The following STAC variants were observed in gnomAD, a reference collection of about 807,000 sequenced individuals.
STAC encodes SH3 and cysteine-rich domain-containing protein.
A neutral mutation model predicts 48.8 loss-of-function variants in STAC; 43 were observed. The observed-to-expected ratio is 0.88, with a 90% CI of 0.69 to 1.14. The LOEUF is 1.14. STAC is among the 50% of genes most tolerant of loss of function. The pLI is 0.00. For synonymous variants in STAC, 193 were observed against 179.5 expected (o/e 1.07, Z -0.60); for missense variants, 497 against 504.0 (o/e 0.99, Z 0.13).
intron 6 of STAC, among the ~76,000 whole-genome samples, chr3:36,500,098 A>C (rs979990671): frequency 1.3e-5 from 2 of 152,234 alleles, no homozygotes; most frequent in Admixed American, 1.3e-4. Flanking sequence ...AGTTATTGGC[A>C]AACCAGATAG....
chr3:36,424,150 A>C (rs1325487062), intron 1 of STAC, among the ~76,000 whole-genome samples: 1 of 152,108 alleles, frequency 6.6e-6, no homozygotes, highest in Non-Finnish European at 1.5e-5. Context: ...CACTCACTTA[A>C]TTTAACAAAC....
chr3:36,444,364 A>T (rs1481362434), intron 2 of STAC, among the ~76,000 whole-genome samples: 2 of 152,212 alleles, frequency 1.3e-5, no homozygotes, highest in Admixed American at 1.3e-4. Flanking sequence ...AAGTTCTTTA[A>T]AAATGGCCAT....
intron 8 of STAC, among the ~76,000 whole-genome samples, chr3:36,519,936 T>A (rs1428779338): frequency 6.6e-6 from 1 of 152,226 alleles, no homozygotes; most frequent in Non-Finnish European, 1.5e-5. Context: ...CAGGCAAAGT[T>A]CACTTGCATT....
chr3:36,402,605 G>A (rs1700019556), intron 1 of STAC, among the ~76,000 whole-genome samples: 1 of 152,080 alleles, frequency 6.6e-6, no homozygotes, highest in African/African-American at 2.4e-5. Flanking sequence ...TAAGGGCTAG[G>A]CAAGGGAACA....
intron 8 of STAC, among the ~76,000 whole-genome samples, chr3:36,518,205 T>C (rs1051890959): frequency 6.6e-6 from 1 of 152,192 alleles, no homozygotes; most frequent in Non-Finnish European, 1.5e-5. Context: ...ATAAATGACT[T>C]CAAGTAAACA....
At chr3:36,466,448 G>C (rs1181558273) in intron 2 of STAC, among the ~76,000 whole-genome samples, 1 of 152,102 alleles carries the variant, frequency 6.6e-6, no homozygotes, top group Non-Finnish European at 1.5e-5. Flanking sequence ...AATGGTGTTG[G>C]TATTTTAATG....
intron 1 of STAC, among the ~76,000 whole-genome samples, chr3:36,410,215 T>C (rs990506591): frequency 2.6e-5 from 4 of 152,198 alleles, no homozygotes; most frequent in African/African-American, 7.2e-5. Flanking sequence ...TGTGTACATA[T>C]TACTATATAT....
At chr3:36,388,150 T>C (rs1443123404) in intron 1 of STAC, among the ~76,000 whole-genome samples, 1 of 152,096 alleles carries the variant, frequency 6.6e-6, no homozygotes, top group African/African-American at 2.4e-5. Context: ...AATTAGATTG[T>C]TTGGTTTTTG....
At chr3:36,394,219 A>C (rs1699808732) in intron 1 of STAC, among the ~76,000 whole-genome samples, 1 of 152,190 alleles carries the variant, frequency 6.6e-6, no homozygotes, top group Non-Finnish European at 1.5e-5. Context: ...ATTGAAATTT[A>C]AAAATCAGTT....
chr3:36,442,931 C>T (rs1696393851), intron 1 of STAC, among the ~76,000 whole-genome samples: 1 of 152,132 alleles, frequency 6.6e-6, no homozygotes. Flanking sequence ...TGTGCAGAGA[C>T]AAGTGGCTGT....
At chr3:36,450,782 C>A (rs1160679127) in intron 2 of STAC, among the ~76,000 whole-genome samples, 3 of 152,210 alleles carry the variant, frequency 2.0e-5, no homozygotes, top group Non-Finnish European at 4.4e-5. Flanking sequence ...ACCTCGGCCT[C>A]CCAAAGTCCC....
intron 5 of STAC, among the ~76,000 whole-genome samples, chr3:36,492,067 T>TATATATA (rs1698001562): frequency 1.0e-5 from 1 of 97,446 alleles, no homozygotes. Flanking sequence ...TATATATATA[T>TATATATA]GTGACTGTCC....
intron 10 of STAC, among the ~76,000 whole-genome samples, chr3:36,540,538 G>A (rs997284021): frequency 2.0e-5 from 3 of 152,086 alleles, no homozygotes; most frequent in Non-Finnish European, 2.9e-5. Flanking sequence ...AGGTAAAAGT[G>A]TAAGTCAAAG....
At chr3:36,454,809 A>T (rs971831731) in intron 2 of STAC, among the ~76,000 whole-genome samples, 2 of 152,156 alleles carry the variant, frequency 1.3e-5, no homozygotes, top group African/African-American at 4.8e-5. Context: ...CTGAAGTCTT[A>T]TATGATCAAA....
intron 8 of STAC, among the ~76,000 whole-genome samples, chr3:36,519,125 T>G (rs1698741660): frequency 6.6e-6 from 1 of 152,142 alleles, no homozygotes; most frequent in African/African-American, 2.4e-5. Context: ...AATAATGGGG[T>G]TAAACTTCAG....
intron 2 of STAC, among the ~76,000 whole-genome samples, chr3:36,465,285 CT>C (rs2125687151): frequency 6.6e-6 from 1 of 152,232 alleles, no homozygotes; most frequent in South Asian, 2.1e-4. Context: ...TATTCATGTC[CT>C]TAACCGACTT....
At chr3:36,504,260 G>C in intron 6 of STAC, 133 bp from the exon 7 acceptor site, 1 of 771,914 alleles carries the variant, frequency 1.3e-6, no homozygotes, top group Non-Finnish European at 2.1e-6. Flanking sequence ...CTGGGTCACA[G>C]AGGGTGAGGA....
Position 36,448,901 on chromosome 3 carries a change from A to C in STAC, c.388+5261A>C, listed in dbSNP as rs1053716460. ...AAGACCAGCCTGGGCAAAACAGTGA[A>C]CCCCCCCCCCCACTCCCGACCCAGT... On this transcript the variant is annotated intron_variant, in intron 2 of 10. Transcript: ENST00000273183. Among the ~76,000 whole-genome samples the C allele has an allele frequency of 3.6e-4, 51 of 143,182 alleles. No homozygotes were observed. The East Asian group carries it at 0.01, about 29-fold the overall frequency. The allele number at this position is 143,182 out of a possible 152,430, so 93.9% of individuals were successfully genotyped here.
At chr3:36,463,509 TC>T (rs1269805465) in intron 2 of STAC, among the ~76,000 whole-genome samples, 2 of 148,218 alleles carry the variant, frequency 1.3e-5, no homozygotes, top group East Asian at 4.3e-4. Flanking sequence ...TGGTAGTTTT[TC>T]TTTTTTTTTT....
Sources: allele counts gnomAD v4.1 joint callset (sites outside exome capture counted in the v4.1 genomes callset), GRCh38; gene constraint gnomAD v4.1.1; transcripts MANE v1.5; gene names NCBI Gene and HGNC (gene_info 2026-07-23, HGNC 2026-07-21).